Variants in SDK2 observed in about 807,000 individuals in gnomAD.
SDK2 encodes the protein protein sidekick-2.
A neutral mutation model predicts 253.9 loss-of-function variants in SDK2; 105 were observed. The ratio of observed to expected loss-of-function variants is 0.41; its 90% CI spans 0.35 to 0.49. The LOEUF is 0.49. SDK2 is among the 20% of genes least tolerant of loss of function. The pLI, the probability that SDK2 is intolerant of heterozygous loss-of-function variation, is 0.06. For synonymous variants in SDK2, 1,249 were observed against 1,234.9 expected, an observed-to-expected ratio of 1.01 and a Z score of -0.24; for missense variants, 2,608 against 3,003.0, an observed-to-expected ratio of 0.87 and a Z score of 3.07.
chr17:73,416,115 T>A, intron 16 of SDK2, 123 bp from the exon 17 acceptor site: 1 of 849,678 alleles, frequency 1.2e-6, no homozygotes, highest in South Asian at 1.8e-5. Context: ...GCTCTGCACC[T>A]GTGCTGTCCG....
chr17:73,526,723 T>C (rs1273806864), intron 1 of SDK2, among the ~76,000 whole-genome samples: 1 of 152,104 alleles, frequency 6.6e-6, no homozygotes, highest in Non-Finnish European at 1.5e-5. Context: ...TGAGGGCTTG[T>C]TTGGGTGGCA....
At chr17:73,547,165 A>T (rs886958888) in intron 1 of SDK2, among the ~76,000 whole-genome samples, 3 of 152,232 alleles carry the variant, frequency 2.0e-5, no homozygotes, top group African/African-American at 7.2e-5. Flanking sequence ...TGTCTCACAG[A>T]GTCCACGCCC....
intron 2 of SDK2, among the ~76,000 whole-genome samples, chr17:73,476,709 C>T (rs1189885663): frequency 6.6e-6 from 1 of 152,196 alleles, no homozygotes; most frequent in African/African-American, 2.4e-5. Flanking sequence ...CTTCAGACTC[C>T]TGGGCTTAAG....
In SDK2 at chr17:73,354,560, C is replaced by T. The variant is rs1038169875; in HGVS notation, c.5594-1923G>A. On this transcript the variant is annotated intron_variant, in intron 40 of 44. Transcript: ENST00000392650. ...TGGCAGTGCGGGGCTGATTTGGAAACTGAGGTATCCAAGCCACCCTGGGCC... is the reference window on the plus strand; with the variant it reads ...TGGCAGTGCGGGGCTGATTTGGAAATTGAGGTATCCAAGCCACCCTGGGCC... 2.6e-5 allele frequency among the ~76,000 whole-genome samples: 4 copies of T among 152,100 alleles called. No individual in the cohort carries two copies. The East Asian group carries it at 7.7e-4, about 29-fold the overall frequency.
intron 1 of SDK2, among the ~76,000 whole-genome samples, chr17:73,546,561 A>G (rs2044968867): frequency 1.3e-5 from 2 of 152,192 alleles, no homozygotes; most frequent in Admixed American, 6.5e-5. Context: ...TCTCTGGCTG[A>G]CCAGAGGGAG....
chr17:73,379,545 C>CAGGTCTGT lies in SDK2; in HGVS notation c.4763-4_4766dup (p.Asn1590GlnfsTer3). On this transcript the variant is annotated frameshift_variant, in exon 35 of 45. Coordinates refer to ENST00000392650, the MANE Select transcript of SDK2 (RefSeq NM_001144952.2). LOFTEE classifies it high-confidence loss of function. The surrounding 1 kb of genome is among the most constrained non-coding windows in gnomAD (Gnocchi z 4.5). ...GTATCTCGTACCGCCTGTGCTTGTT[C>CAGGTCTGT]AGGTCTGTGGGGGAGAGTGGGGGAG... 1 of 1,609,148 alleles carries CAGGTCTGT rather than the reference C, an allele frequency of 6.2e-7. No individual in the cohort carries two copies. The highest frequency in any genetic ancestry group is 8.5e-7 in the Non-Finnish European group (1 of 1,176,998).
intron 18 of SDK2, among the ~76,000 whole-genome samples, chr17:73,409,960 C>A (rs1160061230): frequency 2.6e-5 from 4 of 152,050 alleles, no homozygotes; most frequent in Non-Finnish European, 5.9e-5. Flanking sequence ...CTCAAACAAT[C>A]CTCCCTGTCT....
chr17:73,563,338 C>T (rs28526281), intron 1 of SDK2, among the ~76,000 whole-genome samples: 25,830 of 152,154 alleles, frequency 0.17, 2,624 homozygotes, highest in African/African-American at 0.28. Context: ...CTTTGGGAGG[C>T]GGGGGCAGGA....
chr17:73,564,423 G>C (rs1209208634), intron 1 of SDK2, among the ~76,000 whole-genome samples: 2 of 152,150 alleles, frequency 1.3e-5, no homozygotes, highest in African/African-American at 4.8e-5. Flanking sequence ...CTGAGCCCCT[G>C]GGCTGTGTCG....
chr17:73,516,798 T>G (rs2064032876), intron 1 of SDK2: 1 of 152,294 alleles, frequency 6.6e-6, no homozygotes, highest in African/African-American at 2.4e-5. Context: ...TGAATGGATT[T>G]CTTGCTCAGA....
At position 73,431,771 on chromosome 17, in the gene SDK2, G is replaced by A; in HGVS notation, c.1313-102C>T. Reference sequence around the variant, plus strand: ...AGCATGGTCCCCCCACAGGCCCCTGGCTCTGGAAATGCTGGAAGGAATGAG... The same window carrying A: ...AGCATGGTCCCCCCACAGGCCCCTGACTCTGGAAATGCTGGAAGGAATGAG... On this transcript the variant is annotated intron_variant, in intron 10 of 44. Transcript: ENST00000392650. This position sits in a 1 kb window ranked among gnomAD's most constrained non-coding sequence, Gnocchi z 5.6. 1 of 1,249,104 alleles carries A rather than the reference G, an allele frequency of 8.0e-7. No individual in the cohort carries two copies. Among genetic ancestry groups the A allele is most frequent in the Non-Finnish European group, 1.1e-6 (1 of 932,064 alleles). 77.4% of individuals were successfully genotyped at this position (1,249,104 alleles called of 1,614,324 possible). A position where few individuals can be genotyped will look rare whatever the true frequency, so the allele number is the denominator to read the frequency against.
At chr17:73,498,592 C>A (rs546964775) in intron 2 of SDK2, among the ~76,000 whole-genome samples, 1 of 152,308 alleles carries the variant, frequency 6.6e-6, no homozygotes, top group South Asian at 2.1e-4. Context: ...AGGCCTGGCA[C>A]TTGTCTTAAC....
intron 1 of SDK2, among the ~76,000 whole-genome samples, chr17:73,584,926 G>A (rs1214701399): frequency 6.6e-6 from 1 of 152,256 alleles, no homozygotes; most frequent in Non-Finnish European, 1.5e-5. Context: ...ACAGGTGACG[G>A]ATGCTGATGG....
At chr17:73,505,090 G>A (rs1052975666) in intron 2 of SDK2, among the ~76,000 whole-genome samples, 1 of 152,162 alleles carries the variant, frequency 6.6e-6, no homozygotes, top group Admixed American at 6.5e-5. Flanking sequence ...ACCCAACATA[G>A]CTATAAAATG....
At chr17:73,636,472 G>A (rs915002823) in intron 1 of SDK2, among the ~76,000 whole-genome samples, 7 of 152,072 alleles carry the variant, frequency 4.6e-5, no homozygotes, top group Non-Finnish European at 8.8e-5. Context: ...CGAGTCACTT[G>A]AGGTCAGGAG....
In SDK2 at chr17:73,609,705, C is replaced by T. The variant is rs1004881975; in HGVS notation, c.64+34320G>A. On this transcript the variant is annotated intron_variant, in intron 1 of 44. Coordinates refer to ENST00000392650, the MANE Select transcript of SDK2 (RefSeq NM_001144952.2). The surrounding 1 kb of genome is among the most constrained non-coding windows in gnomAD (Gnocchi z 4.4). ...TACCCTCTTACCTACGTGCAGTTTA[C>T]AAGAGTTCTCCAGGGTCTCTCCAAA... Among the ~76,000 whole-genome samples, 1 of 152,116 alleles carries T rather than the reference C, an allele frequency of 6.6e-6. No homozygotes were observed. The highest frequency in any genetic ancestry group is 1.5e-5 in the Non-Finnish European group (1 of 68,022).
Position 73,643,866 on chromosome 17 carries a change from A to G in SDK2, c.64+159T>C, listed in dbSNP as rs2046428966. The stretch of plus-strand genomic sequence containing the variant: ...GCCCCACCCCCAAAAGAGCCCCAAA[A>G]CTTGGGAGATGGGGTGTCTTGAAAC... On this transcript the variant is annotated intron_variant, in intron 1 of 44. Coordinates refer to ENST00000392650, the MANE Select transcript of SDK2 (RefSeq NM_001144952.2). The surrounding 1 kb of genome is among the most constrained non-coding windows in gnomAD (Gnocchi z 6.9). 2.0e-5 allele frequency among the ~76,000 whole-genome samples: 3 copies of G among 152,068 alleles called. No homozygotes were observed. The highest frequency in any genetic ancestry group is 4.1e-4 in the South Asian group (2 of 4,824).
chr17:73,638,804 G>C (rs28760366), intron 1 of SDK2, among the ~76,000 whole-genome samples: 1 of 145,980 alleles, frequency 6.9e-6, no homozygotes. Context: ...GTAGATAACA[G>C]TCTTTTTTTT....
rs77341851 is a variant in SDK2, at chr17:73,562,328, T to C, written c.65-54731A>G. 2.3e-3 allele frequency among the ~76,000 whole-genome samples: 346 copies of C among 152,364 alleles called. 1 individual carries two copies. Among genetic ancestry groups the C allele is most frequent in the African/African-American group, 7.7e-3 (319 of 41,590 alleles). ...TGTGGAATTTTTGCATTAATTTGCA[T>C]TTTAAAAATATTACATTCAAATATC... is the stretch of plus-strand genomic sequence containing the variant. On this transcript the variant is annotated intron_variant, in intron 1 of 44. Transcript: ENST00000392650.
Sources: allele counts gnomAD v4.1 joint callset (sites outside exome capture counted in the v4.1 genomes callset), GRCh38; gene constraint gnomAD v4.1.1; non-coding constraint Gnocchi (gnomAD v3.1); transcripts MANE v1.5; gene names NCBI Gene and HGNC (gene_info 2026-07-23, HGNC 2026-07-21).